RAPGEF1: variants seen among roughly 807,000 people sequenced by gnomAD.
RAPGEF1 encodes CRK SH3-binding GNRP.
A neutral mutation model predicts 143.3 loss-of-function variants in RAPGEF1; 33 were observed. The ratio of observed to expected loss-of-function variants is 0.23; its 90% confidence interval spans 0.17 to 0.31. The LOEUF is 0.31. RAPGEF1 is among the 10% of genes least tolerant of loss of function. RAPGEF1 has a pLI of 1.00. For synonymous variants in RAPGEF1, 629 were observed against 676.5 expected, an observed-to-expected ratio of 0.93 and a Z score of 1.09; for missense variants, 1,199 against 1,645.4, an observed-to-expected ratio of 0.73 and a Z score of 4.69.
intron 3 of RAPGEF1, among the ~76,000 whole-genome samples, chr9:131,648,150 G>A (rs1295217459): frequency 2.0e-5 from 3 of 152,212 alleles, no homozygotes; most frequent in Non-Finnish European, 4.4e-5. Context: ...AGCACTTTGA[G>A]AGGATGAGGC....
intron 1 of RAPGEF1, among the ~76,000 whole-genome samples, chr9:131,699,127 C>T (rs1364013560): frequency 2.6e-5 from 4 of 152,170 alleles, no homozygotes; most frequent in Non-Finnish European, 5.9e-5. Flanking sequence ...ACAACTACCA[C>T]CTTGTGTCTT....
chr9:131,694,797 C>CT (rs60955547), intron 1 of RAPGEF1, among the ~76,000 whole-genome samples: 59,995 of 139,374 alleles, frequency 0.43, 12,782 homozygotes, highest in Middle Eastern at 0.53. Flanking sequence ...TTCACACTTT[C>CT]TTTTTTTTTT....
intron 17 of RAPGEF1, 82 bp downstream of exon 17, chr9:131,596,216 G>A: frequency 7.5e-7 from 1 of 1,326,806 alleles, no homozygotes; most frequent in Middle Eastern, 1.8e-4. Context: ...TGGCTGCCAG[G>A]AGGGGACAGG....
intron 25 of RAPGEF1, 126 bp from the exon 26 acceptor site, chr9:131,580,517 C>A: frequency 8.7e-7 from 1 of 1,150,896 alleles, no homozygotes; most frequent in Non-Finnish European, 1.2e-6. Flanking sequence ...ACCAAAGAGC[C>A]AGTCTGAGGT....
chr9:131,693,744 C>T (rs1350203464), intron 1 of RAPGEF1, among the ~76,000 whole-genome samples: 2 of 152,030 alleles, frequency 1.3e-5, no homozygotes, highest in Admixed American at 1.3e-4. Flanking sequence ...CTTTCCAAAC[C>T]CCAGATCCCA....
intron 15 of RAPGEF1, among the ~76,000 whole-genome samples, chr9:131,601,769 T>C (rs890100672): frequency 6.6e-6 from 1 of 151,892 alleles, no homozygotes; most frequent in Non-Finnish European, 1.5e-5. Context: ...CAGCTGGGCG[T>C]GGTACTGCAT....
Position 131,707,076 on chromosome 9 carries a change from C to T in RAPGEF1, c.61+32694G>A, listed in dbSNP as rs143963733. Among the ~76,000 whole-genome samples, 503 of 152,338 alleles carry T rather than the reference C, an allele frequency of 3.3e-3. 3 individuals carry two copies. Among genetic ancestry groups the T allele is most frequent in the Non-Finnish European group, 5.1e-3 (350 of 68,030 alleles). On this transcript the variant is annotated intron_variant, in intron 1 of 26. Coordinates refer to ENST00000683357, the MANE Select transcript of RAPGEF1 (RefSeq NM_001377935.1). ...TAAGGAGAACCAGAGACAATCCAAACGTAAGTAAACATATTAAATTTCTAT... is the reference window on the plus strand; with the variant it reads ...TAAGGAGAACCAGAGACAATCCAAATGTAAGTAAACATATTAAATTTCTAT...
rs117249291 is a variant in RAPGEF1, at chr9:131,657,869, C to A, written c.62-6920G>T. ...GTTTATATCGACATATACAGTTTAA[C>A]TTATAAGTTTGTGAACGTTACCTAA... On this transcript the variant is annotated intron_variant, in intron 1 of 26. Transcript: ENST00000683357. 4.3e-3 allele frequency among the ~76,000 whole-genome samples: 654 copies of A among 152,344 alleles called. 3 individuals carry two copies. The highest frequency in any genetic ancestry group is 7.9e-3 in the Non-Finnish European group (538 of 68,044).
intron 1 of RAPGEF1, among the ~76,000 whole-genome samples, chr9:131,705,498 C>T (rs1834986681): frequency 6.6e-6 from 1 of 152,318 alleles, no homozygotes; most frequent in South Asian, 2.1e-4. Flanking sequence ...AAAGAGCAGG[C>T]TGGGCCACAG....
intron 12 of RAPGEF1, among the ~76,000 whole-genome samples, chr9:131,612,626 C>T (rs188074879): frequency 3.3e-5 from 5 of 152,258 alleles, no homozygotes; most frequent in East Asian, 3.9e-4. Context: ...GGTGGCTCTA[C>T]GTTATCCCGA....
chr9:131,739,106 C>CA (rs1250159427), intron 1 of RAPGEF1, among the ~76,000 whole-genome samples: 1 of 152,184 alleles, frequency 6.6e-6, no homozygotes, highest in Admixed American at 6.5e-5. Flanking sequence ...CCAGGACAGG[C>CA]AAACCCAGGG....
intron 18 of RAPGEF1, among the ~76,000 whole-genome samples, chr9:131,590,473 G>A (rs530826912): frequency 5.3e-5 from 8 of 152,296 alleles, no homozygotes; most frequent in African/African-American, 1.7e-4. Context: ...CCGTGACACC[G>A]GGCCGGGTCT....
At chr9:131,668,355 T>G (rs567655853) in intron 1 of RAPGEF1, among the ~76,000 whole-genome samples, 1 of 152,252 alleles carries the variant, frequency 6.6e-6, no homozygotes, top group Admixed American at 6.5e-5. Context: ...TATTAAAATT[T>G]AGATTTTTAA....
At chr9:131,700,655 G>A (rs1233912107) in intron 1 of RAPGEF1, among the ~76,000 whole-genome samples, 1 of 152,086 alleles carries the variant, frequency 6.6e-6, no homozygotes, top group African/African-American at 2.4e-5. Context: ...AATAGTAAAG[G>A]AAAAATGCTG....
At chr9:131,680,666 A>G (rs1314585706) in intron 1 of RAPGEF1, among the ~76,000 whole-genome samples, 2 of 152,196 alleles carry the variant, frequency 1.3e-5, no homozygotes, top group Non-Finnish European at 2.9e-5. Context: ...TTTGTTTCCC[A>G]TAAGGGATAC....
chr9:131,710,503 C>T (rs766882885), intron 1 of RAPGEF1, among the ~76,000 whole-genome samples: 4 of 152,262 alleles, frequency 2.6e-5, no homozygotes, highest in Middle Eastern at 3.4e-3. Flanking sequence ...AAGACAATGT[C>T]GAGGTGGATG....
intron 5 of RAPGEF1, among the ~76,000 whole-genome samples, chr9:131,631,244 A>C (rs1245957305): frequency 6.6e-6 from 1 of 152,242 alleles, no homozygotes; most frequent in Non-Finnish European, 1.5e-5. Flanking sequence ...TGTACGATTC[A>C]GTGGTTTTTA....
At chr9:131,631,095 T>C (rs1964714604) in intron 5 of RAPGEF1, among the ~76,000 whole-genome samples, 1 of 152,180 alleles carries the variant, frequency 6.6e-6, no homozygotes, top group Non-Finnish European at 1.5e-5. Context: ...TAACTTCTAT[T>C]ATCATAGATT....
At position 131,675,224 on chromosome 9, in the gene RAPGEF1, C is replaced by T. The variant is rs769948362; in HGVS notation, c.62-24275G>A. ...TTTCTCGTGGGGATGAGGCACGGAC[C>T]GAGGGGAAAATGCTCCCAGCAGAGG... On this transcript the variant is annotated intron_variant, in intron 1 of 26. Transcript: ENST00000683357. This position sits in a 1 kb window ranked among gnomAD's most constrained non-coding sequence, Gnocchi z 4.6. 3.3e-5 allele frequency among the ~76,000 whole-genome samples: 5 copies of T among 152,062 alleles called. No individual in the cohort carries two copies. The highest frequency in any genetic ancestry group is 5.9e-5 in the Non-Finnish European group (4 of 68,018).
Sources: gnomAD v4.1 joint callset for allele counts (sites outside exome capture counted in the v4.1 genomes callset) on GRCh38, gnomAD v4.1.1 for gene constraint, Gnocchi (gnomAD v3.1) non-coding constraint, MANE v1.5 for transcripts, NCBI Gene and HGNC (gene_info 2026-07-23, HGNC 2026-07-21) for gene names.